Variants in SLC15A3 observed in about 807,000 individuals in gnomAD.
SLC15A3 encodes the protein solute carrier family 15 member 3, also known as osteoclast transporter.
SLC15A3 carries 39 observed loss-of-function variants against 49.2 expected under a neutral mutation model. The ratio of observed to expected loss-of-function variants is 0.79; its 90% CI spans 0.61 to 1.04. SLC15A3 has a LOEUF of 1.04. Ranked by LOEUF, SLC15A3 falls within the 50% of genes least tolerant of loss-of-function variation. The probability of loss-of-function intolerance (pLI) is 0.00; values close to 1 mark genes in which losing one functional copy is unlikely to be tolerated. For synonymous variants in SLC15A3, 339 were observed against 367.0 expected, an observed-to-expected ratio of 0.92 and a Z score of 0.87; for missense variants, 758 against 794.8, an observed-to-expected ratio of 0.95 and a Z score of 0.56.
chr11:60,948,030 A>T (rs1202723238), intron 1 of SLC15A3, among the ~76,000 whole-genome samples: 1 of 152,216 alleles, frequency 6.6e-6, no homozygotes, highest in Non-Finnish European at 1.5e-5. Context: ...AAATCTCAGG[A>T]TCCATTACTG....
chr11:60,938,189 C>T (rs1197912591), intron 6 of SLC15A3, 164 bp from the exon 7 acceptor site: 2 of 813,996 alleles, frequency 2.5e-6, no homozygotes, highest in Admixed American at 3.0e-5. Context: ...TGCATCAATG[C>T]CGCCTTCCCC....
intron 1 of SLC15A3, 57 bp from the exon 2 acceptor site, chr11:60,946,878 ACC>A: frequency 6.5e-7 from 1 of 1,535,414 alleles, no homozygotes. Context: ...CACTCTCTGT[ACC>A]CATACCCCTC....
chr11:60,947,221 C>A (rs1300467051), intron 1 of SLC15A3, among the ~76,000 whole-genome samples: 2 of 152,194 alleles, frequency 1.3e-5, no homozygotes, highest in African/African-American at 4.8e-5. Context: ...GCTCTGTTGC[C>A]CAGGCTGGAG....
rs982230386 is a variant in SLC15A3 at position 60,937,989 on chromosome 11, A to G, written c.1472T>C (p.Met491Thr). ...EFAYSEAPRS[M>T]QGAIMGIFFC... ...GAAGATGCCCATGATGGCGCCCTGC[A>G]TGGAGCGCGGGGCCTCTGAGTAGGC... The change falls in exon 7 of 8, where the codon ATG becomes ACG. Residue 491 changes from methionine to threonine, a missense_variant. Physicochemically the swap from Met to Thr is moderately conservative, Grantham distance 81. Around this residue, in one of 3 missense-constraint regions of SLC15A3, gnomAD observed 699 missense variants for 706.7 expected, o/e 0.99. Coordinates refer to ENST00000227880, the MANE Select transcript of SLC15A3 (RefSeq NM_016582.3). The G allele has an allele frequency of 1.2e-6, 2 of 1,613,998 alleles. No individual in the cohort carries two copies. Among genetic ancestry groups the G allele is most frequent in the Non-Finnish European group, 1.7e-6 (2 of 1,179,988 alleles).
rs959788176 is a variant in SLC15A3, at chr11:60,939,600, TGTG to T, written c.1312_1314del (p.His438del). 1.2e-5 allele frequency: 19 copies of T among 1,613,970 alleles called. No homozygotes were observed. Among genetic ancestry groups the T allele is most frequent in the Non-Finnish European group, 1.6e-5 (19 of 1,179,982 alleles). ...CCAATCTGCTGGGACACGGTCTCGT[TGTG>T]GTGGATGTAGTGTAAGCGCTCCATC... is the stretch of plus-strand genomic sequence containing the variant. On this transcript the variant is annotated inframe_deletion, in exon 6 of 8. Transcript: ENST00000227880.
chr11:60,949,514 A>AAG (rs1160476303), intron 1 of SLC15A3, among the ~76,000 whole-genome samples: 41 of 70,728 alleles, frequency 5.8e-4, no homozygotes, highest in Admixed American at 1.7e-3. Flanking sequence ...GAAAGAAAGA[A>AAG]AGAAAGAAAG....
At chr11:60,938,077 C>T (rs1219378507) in intron 6 of SLC15A3, 52 bp from the exon 7 acceptor site, 3 of 1,569,384 alleles carry the variant, frequency 1.9e-6, no homozygotes, top group Admixed American at 3.6e-5. Context: ...GCGCAGAGAA[C>T]AGGCCCAGGC....
At chr11:60,946,939 A>G (rs1590642236) in intron 1 of SLC15A3, 118 bp from the exon 2 acceptor site, 2 of 1,081,092 alleles carry the variant, frequency 1.8e-6, no homozygotes, top group East Asian at 5.0e-5. Flanking sequence ...GCGTTCCGAC[A>G]CTTTCCCAGT....
chr11:60,942,228 AC>A, intron 3 of SLC15A3, 83 bp from the exon 4 acceptor site: 1 of 1,132,260 alleles, frequency 8.8e-7, no homozygotes, highest in Non-Finnish European at 1.3e-6. Flanking sequence ...TCAGCGCCGT[AC>A]CACAGGACAG....
chr11:60,950,661 G>C (rs1313926803), intron 1 of SLC15A3, among the ~76,000 whole-genome samples: 1 of 152,096 alleles, frequency 6.6e-6, no homozygotes. Flanking sequence ...CGTGGTGGCA[G>C]GCCCCTGTAA....
Position 60,951,061 on chromosome 11 carries a change from C to A in SLC15A3, c.491G>T (p.Gly164Val). ...SPYCAPVLYA[G>V]LLLLGLAASS... ...GGCGGCCAGGCCGAGTAGCAGCAGG[C>A]CCGCGTAGAGGACGGGCGCGCAGTA... is the stretch of plus-strand genomic sequence containing the variant. Residue 164 changes from glycine (G) to valine (V), a missense_variant, in exon 1 of 8, where the codon GGC becomes GTC. Around this residue, in one of 3 missense-constraint regions of SLC15A3, gnomAD observed 699 missense variants for 706.7 expected, o/e 0.99. Coordinates refer to ENST00000227880, the MANE Select transcript of SLC15A3 (RefSeq NM_016582.3). The A allele has an allele frequency of 6.7e-7, 1 of 1,492,474 alleles. No individual in the cohort carries two copies. Among genetic ancestry groups the A allele is most frequent in the Non-Finnish European group, 8.9e-7 (1 of 1,129,718 alleles). The allele number at this position is 1,492,474 out of a possible 1,614,324, so 92.5% of individuals were successfully genotyped here. A position where few individuals can be genotyped will look rare whatever the true frequency, so the allele number is the denominator to read the frequency against.
At chr11:60,946,125 T>C (rs1590641320) in intron 2 of SLC15A3, among the ~76,000 whole-genome samples, 1 of 152,174 alleles carries the variant, frequency 6.6e-6, no homozygotes, top group African/African-American at 2.4e-5. Flanking sequence ...CCCAAGTAGC[T>C]GAGACCACAG....
intron 1 of SLC15A3, 106 bp downstream of exon 1, chr11:60,950,888 A>G: frequency 8.4e-7 from 1 of 1,189,046 alleles, no homozygotes; most frequent in Non-Finnish European, 1.1e-6. Context: ...AAATCAGGAA[A>G]CTAGTGCAGG....
intron 1 of SLC15A3, among the ~76,000 whole-genome samples, chr11:60,949,192 C>T (rs1181797443): frequency 2.0e-5 from 3 of 151,968 alleles, no homozygotes; most frequent in Admixed American, 6.6e-5. Context: ...CAAAAACTAG[C>T]CAGCGTGGTA....
In SLC15A3 at chr11:60,951,485, C is replaced by T; in HGVS notation, c.67G>A (p.Gly23Ser). 7.8e-7 allele frequency: 1 copy of T among 1,289,604 alleles called. No individual in the cohort carries two copies. The highest frequency in any genetic ancestry group is 3.0e-4 in the Middle Eastern group (1 of 3,358). The allele number at this position is 1,289,604 out of a possible 1,614,324, so 79.9% of individuals were successfully genotyped here. The change falls in exon 1 of 8, where the codon GGT becomes AGT. Residue 23 changes from glycine to serine, a missense_variant. Around this residue, in one of 3 missense-constraint regions of SLC15A3, gnomAD observed 31 missense variants for 58.4 expected, o/e 0.53. Transcript: ENST00000227880. ...CGCCACCGTCGAGGGCCCCGCGCAC[C>T]GCGAGGCAGCAGCGGCTGGCGCTCC... The part of the protein sequence containing the change: ...PGERQPLLPR[G>S]ARGPRRWRRA...
chr11:60,945,075 A>G (rs1243071694), intron 2 of SLC15A3, among the ~76,000 whole-genome samples: 1 of 152,190 alleles, frequency 6.6e-6, no homozygotes, highest in African/African-American at 2.4e-5. Flanking sequence ...ACCTGTTAGA[A>G]TGAAGCAGAA....
intron 6 of SLC15A3, chr11:60,938,234 T>C (rs944385040): frequency 6.9e-6 from 4 of 579,374 alleles, no homozygotes; most frequent in Non-Finnish European, 1.2e-5. Context: ...GCTGAACCCC[T>C]GCACCGGGGT....
intron 3 of SLC15A3, chr11:60,942,432 G>A: frequency 3.3e-6 from 1 of 306,366 alleles, no homozygotes; most frequent in African/African-American, 2.1e-5. Context: ...CCCAGCACAG[G>A]GTAAGCATGG....
chr11:60,951,281 C>G lies in SLC15A3; in HGVS notation c.271G>C (p.Gly91Arg), dbSNP rs1174209716. 6.6e-7 allele frequency: 1 copy of G among 1,516,440 alleles called. No homozygotes were observed. Among genetic ancestry groups the G allele is most frequent in the South Asian group, 1.2e-5 (1 of 80,910 alleles). The allele number at this position is 1,516,440 out of a possible 1,614,324, so 93.9% of individuals were successfully genotyped here. Residue 91 changes from glycine to arginine, a missense_variant, in exon 1 of 8, where the codon GGC (glycine) becomes CGC (arginine). Gly to Arg is a moderately radical substitution (Grantham distance 125). Around this residue, in one of 3 missense-constraint regions of SLC15A3, gnomAD observed 699 missense variants for 706.7 expected, o/e 0.99. Transcript: ENST00000227880. ...CCCAGGTACACGTCGGCCAGCCAGC[C>G]GCCCACGGGCGCCAGCAGGTAGGAG... ...GASYLLAPVG[G>R]WLADVYLGRY...
Sources: gnomAD v4.1 joint callset for allele counts (sites outside exome capture counted in the v4.1 genomes callset) on GRCh38, gnomAD v4.1.1 for gene constraint, gnomAD v4.1.1 regional missense constraint, MANE v1.5 for transcripts, NCBI Gene and HGNC (gene_info 2026-07-23, HGNC 2026-07-21) for gene names.